ARHGAP5: variants seen among roughly 807,000 people sequenced by gnomAD.
ARHGAP5 encodes Rho GTPase activating protein 5, also known as rho GTPase-activating protein 5.
In ARHGAP5, 23 loss-of-function variants were observed where a neutral mutation model predicts 116.6. The observed-to-expected ratio is 0.20, with a 90% CI of 0.14 to 0.28. ARHGAP5 has a LOEUF of 0.28. Among genes scored for constraint, ARHGAP5 ranks in the 10% least tolerant of loss-of-function variants. ARHGAP5 has a pLI of 1.00. For synonymous variants in ARHGAP5, 574 were observed against 602.0 expected (o/e 0.95, Z 0.68); for missense variants, 1,405 against 1,774.8 (o/e 0.79, Z 3.74).
intron 3 of ARHGAP5, among the ~76,000 whole-genome samples, chr14:32,133,390 A>G (rs148623224): frequency 0.012 from 1,791 of 152,036 alleles, 29 homozygotes; most frequent in African/African-American, 0.04. Flanking sequence ...TCTGTCTGTT[A>G]TTGGTGCATA....
chr14:32,154,443 C>G (rs761111962), intron 6 of ARHGAP5, 178 bp from the exon 7 acceptor site: 10 of 596,426 alleles, frequency 1.7e-5, no homozygotes, highest in Admixed American at 9.3e-5. Flanking sequence ...GCCACTGCAC[C>G]TGGCCCAGGA....
At position 32,149,291 on chromosome 14, in the gene ARHGAP5, C is replaced by T. The variant is rs567274183; in HGVS notation, c.3944-611C>T. ...TTAGTTTCCTGAGTAGCTGGGACTA[C>T]AGGTACGCACCACCTCACCTGCCTC... is the stretch of plus-strand genomic sequence containing the variant. On this transcript the variant is annotated intron_variant, in intron 4 of 6. Transcript: ENST00000345122. Among the ~76,000 whole-genome samples the T allele has an allele frequency of 8.6e-5, 13 of 151,576 alleles. No individual in the cohort carries two copies. In the South Asian group the frequency reaches 2.7e-3, roughly 32 times the overall value.
chr14:32,108,247 A>AAG (rs1879109370), intron 2 of ARHGAP5, among the ~76,000 whole-genome samples: 1 of 152,146 alleles, frequency 6.6e-6, no homozygotes, highest in Non-Finnish European at 1.5e-5. Context: ...AGGGAGCAAG[A>AAG]ATTGGGGCAG....
At position 32,125,228 on chromosome 14, in the gene ARHGAP5, T is replaced by C. The variant is rs182590078; in HGVS notation, c.3865+7941T>C. The stretch of plus-strand genomic sequence containing the variant: ...CTGCTTTATGGCTCTCTGAATTTAC[T>C]AATTCTGGATATTTCATATCAGTAG... On this transcript the variant is annotated intron_variant, in intron 3 of 6. Transcript: ENST00000345122. Among the ~76,000 whole-genome samples the C allele has an allele frequency of 2.1e-4, 32 of 152,366 alleles. 1 individual carries two copies. In the East Asian group the frequency reaches 5.6e-3, roughly 27 times the overall value.
chr14:32,105,488 T>TAA (rs1555356499), intron 2 of ARHGAP5, among the ~76,000 whole-genome samples: 2 of 150,882 alleles, frequency 1.3e-5, no homozygotes, highest in African/African-American at 4.9e-5. Context: ...TTTTTTTTTT[T>TAA]AAAAAAAAGA....
Position 32,155,010 on chromosome 14 carries a change from C to T in ARHGAP5, c.*62C>T. 2 of 1,424,968 alleles carry T rather than the reference C, an allele frequency of 1.4e-6. No individual in the cohort carries two copies. Among genetic ancestry groups the T allele is most frequent in the Non-Finnish European group, 1.9e-6 (2 of 1,032,894 alleles). The allele number at this position is 1,424,968 out of a possible 1,614,324, so 88.3% of individuals were successfully genotyped here. A position where few individuals can be genotyped will look rare whatever the true frequency, so the allele number is the denominator to read the frequency against. The stretch of plus-strand genomic sequence containing the variant: ...AAAGCAAATCTAGACATGCATGTTT[C>T]AGGGTTCAGTAGTATACTTCATGTT... On this transcript the variant is annotated 3_prime_UTR_variant, in exon 7 of 7. Coordinates refer to ENST00000345122, the MANE Select transcript of ARHGAP5 (RefSeq NM_001030055.2).
At chr14:32,105,937 G>C (rs1171732757) in intron 2 of ARHGAP5, among the ~76,000 whole-genome samples, 3 of 152,110 alleles carry the variant, frequency 2.0e-5, no homozygotes, top group Non-Finnish European at 4.4e-5. Flanking sequence ...CCAAGTTGTT[G>C]CGTGCATCAA....
chr14:32,093,225 A>G lies in ARHGAP5; in HGVS notation c.2556A>G (p.Ile852Met), dbSNP rs1442368241. The G allele has an allele frequency of 3.1e-6, 5 of 1,613,942 alleles. No homozygotes were observed. The highest frequency in any genetic ancestry group is 2.2e-5 in the South Asian group (2 of 91,036). The change falls in exon 2 of 7, where the codon ATA becomes ATG. Residue 852 changes from isoleucine (I) to methionine (M), a missense_variant. Ile to Met is a conservative substitution (Grantham distance 10, BLOSUM62 1). This residue lies in a region of ARHGAP5 where 944 missense variants were observed against 1,095.3 expected (regional missense o/e 0.86). Coordinates refer to ENST00000345122, the MANE Select transcript of ARHGAP5 (RefSeq NM_001030055.2). ...AAGATGAACTAGTTCATGGGTATAT[A>G]TTAGTTTACTCTGCAAAACGGAAAG... ...VRKDELVHGY[I>M]LVYSAKRKAS...
At chr14:32,107,128 A>G (rs1879056238) in intron 2 of ARHGAP5, among the ~76,000 whole-genome samples, 1 of 152,150 alleles carries the variant, frequency 6.6e-6, no homozygotes, top group Admixed American at 6.5e-5. Context: ...CTTAAATTCC[A>G]CTGATTTTTA....
At chr14:32,078,057 C>T (rs2041729503) in intron 1 of ARHGAP5, among the ~76,000 whole-genome samples, 1 of 150,084 alleles carries the variant, frequency 6.7e-6, no homozygotes, top group African/African-American at 2.5e-5. Flanking sequence ...GCCCAGAGTC[C>T]TATGGGCTGA....
intron 3 of ARHGAP5, among the ~76,000 whole-genome samples, chr14:32,120,799 A>G (rs1217699734): frequency 6.6e-6 from 1 of 152,080 alleles, no homozygotes; most frequent in East Asian, 1.9e-4. Flanking sequence ...GAAGGGTTCT[A>G]TAAATGTCAG....
chr14:32,111,100 T>G (rs1879270018), intron 2 of ARHGAP5, among the ~76,000 whole-genome samples: 1 of 152,090 alleles, frequency 6.6e-6, no homozygotes, highest in African/African-American at 2.4e-5. Context: ...TGAGTATAGA[T>G]GGAAAAAAGA....
rs1260058181 is a variant in ARHGAP5, at chr14:32,138,352, T to G, written c.3866-7911T>G. On this transcript the variant is annotated intron_variant, in intron 3 of 6. Coordinates refer to ENST00000345122, the MANE Select transcript of ARHGAP5 (RefSeq NM_001030055.2). Reference sequence around the variant, plus strand: ...CAGGCTGGAGTGCAGCAGTGCAATCTCTGCTCACTGCAACCTCCACTCCTG... The same window carrying G: ...CAGGCTGGAGTGCAGCAGTGCAATCGCTGCTCACTGCAACCTCCACTCCTG... Among the ~76,000 whole-genome samples the G allele has an allele frequency of 4.6e-5, 7 of 152,350 alleles. No individual in the cohort carries two copies. The East Asian group carries it at 1.4e-3, about 29-fold the overall frequency.
rs1332981221 is a variant in ARHGAP5 at position 32,094,160 on chromosome 14, C to G, written c.3491C>G (p.Ala1164Gly). 2 of 1,612,958 alleles carry G rather than the reference C, an allele frequency of 1.2e-6. No homozygotes were observed. The highest frequency in any genetic ancestry group is 8.5e-7 in the Non-Finnish European group (1 of 1,179,718). The change falls in exon 2 of 7, where the codon GCC (alanine) becomes GGC (glycine). Residue 1164 changes from alanine (A) to glycine (G), a missense_variant. Ala to Gly is a moderately conservative substitution (Grantham distance 60, BLOSUM62 0). Transcript: ENST00000345122. ...AAATCTAAAACCTTGTTTAGTAAAG[C>G]CAAGTCATACTATAGAAGAACACAT... ...KYKSKTLFSKAKSYYRRTHSD... is the reference protein window; with the variant it reads ...KYKSKTLFSKGKSYYRRTHSD...
chr14:32,138,405 T>TCCC (rs1163770029), intron 3 of ARHGAP5, among the ~76,000 whole-genome samples: 1 of 152,170 alleles, frequency 6.6e-6, no homozygotes, highest in Non-Finnish European at 1.5e-5. Flanking sequence ...TGCCTCAGCT[T>TCCC]CCCGAGTAGC....
At chr14:32,144,591 C>T (rs139512103) in intron 3 of ARHGAP5, among the ~76,000 whole-genome samples, 2,940 of 152,106 alleles carry the variant, frequency 0.019, 46 homozygotes, top group Non-Finnish European at 0.026. Flanking sequence ...TCAAGTGATT[C>T]TCCTGCCTTA....
At position 32,117,300 on chromosome 14, in the gene ARHGAP5, A is replaced by C. The variant is rs1258350156; in HGVS notation, c.3865+13A>C. The C allele has an allele frequency of 3.8e-6, 6 of 1,560,968 alleles. No individual in the cohort carries two copies. The highest frequency in any genetic ancestry group is 5.2e-6 in the Non-Finnish European group (6 of 1,150,854). ...ATTGAAGATACAGGTAGGATAGAAG[A>C]ATCATTGCAAGAGATTTGATTTTAA... is the stretch of plus-strand genomic sequence containing the variant. On this transcript the variant is annotated intron_variant, in intron 3 of 6. Coordinates refer to ENST00000345122, the MANE Select transcript of ARHGAP5 (RefSeq NM_001030055.2).
In ARHGAP5 at chr14:32,091,452, T is replaced by C. The variant is rs756699743; in HGVS notation, c.783T>C (p.Ala261=). The C allele has an allele frequency of 2.5e-6, 4 of 1,612,720 alleles. No homozygotes were observed. Among genetic ancestry groups the C allele is most frequent in the Non-Finnish European group, 3.4e-6 (4 of 1,179,448 alleles). The change falls in exon 2 of 7, where the codon GCT becomes GCC. Residue 261 remains alanine (A), a synonymous_variant. Coordinates refer to ENST00000345122, the MANE Select transcript of ARHGAP5 (RefSeq NM_001030055.2). ...CTAAAATTATTCCCTATTTGGATGC[T>C]TATAAAACACAGAGACAACTTGTTG... ...SKPKIIPYLD[A]YKTQRQLVVT...
intron 2 of ARHGAP5, among the ~76,000 whole-genome samples, chr14:32,116,100 A>C (rs1879562668): frequency 6.7e-6 from 1 of 150,358 alleles, no homozygotes; most frequent in South Asian, 2.1e-4. Flanking sequence ...ATCCTGGCTG[A>C]TACGGTGAAA....
Sources: allele counts gnomAD v4.1 joint callset (sites outside exome capture counted in the v4.1 genomes callset), GRCh38; gene constraint gnomAD v4.1.1; regional missense constraint gnomAD v4.1.1; transcripts MANE v1.5; gene names NCBI Gene and HGNC (gene_info 2026-07-23, HGNC 2026-07-21).